The following APLF variants were observed in gnomAD, a reference collection of about 807,000 sequenced individuals.
The protein encoded by APLF is aprataxin and PNK-like factor.
Under a neutral mutation model 55.6 loss-of-function variants are expected in APLF, and 61 were observed. That is an observed-to-expected ratio of 1.10 (90% CI 0.89 to 1.36). The LOEUF is 1.36. Ranked by LOEUF, APLF falls within the 40% of genes most tolerant of loss-of-function variation. APLF has a pLI of 0.00. For synonymous variants in APLF, 207 were observed against 214.8 expected (o/e 0.96, Z 0.32); for missense variants, 611 against 602.5 (o/e 1.01, Z -0.15).
chr2:68,477,240 G>A (rs1675808795), intron 1 of APLF, among the ~76,000 whole-genome samples: 1 of 152,130 alleles, frequency 6.6e-6, no homozygotes, highest in Non-Finnish European at 1.5e-5. Flanking sequence ...TTGCTGTTTT[G>A]GTGAGCTTTA....
At chr2:68,543,769 G>A (rs1180805271) in intron 7 of APLF, among the ~76,000 whole-genome samples, 1 of 151,966 alleles carries the variant, frequency 6.6e-6, no homozygotes, top group Non-Finnish European at 1.5e-5. Context: ...TATTGAAAAC[G>A]TACTTACTGC....
intron 3 of APLF, among the ~76,000 whole-genome samples, chr2:68,507,457 C>T (rs1676900375): frequency 6.6e-6 from 1 of 151,916 alleles, no homozygotes; most frequent in African/African-American, 2.4e-5. Context: ...ACATTTAAGT[C>T]TATAGATGTC....
intron 8 of APLF, among the ~76,000 whole-genome samples, chr2:68,565,437 A>G (rs1389303923): frequency 2.6e-5 from 4 of 151,892 alleles, no homozygotes; most frequent in Admixed American, 6.6e-5. Context: ...TCTAGCCTGG[A>G]TAACAGAGTG....
chr2:68,561,204 T>A (rs2104053057), intron 8 of APLF, among the ~76,000 whole-genome samples: 1 of 152,264 alleles, frequency 6.6e-6, no homozygotes, highest in South Asian at 2.1e-4. Flanking sequence ...TGCAGATTTT[T>A]ATACACACTA....
chr2:68,472,619 A>C (rs1472863254), intron 1 of APLF, among the ~76,000 whole-genome samples: 1 of 152,196 alleles, frequency 6.6e-6, no homozygotes, highest in African/African-American at 2.4e-5. Flanking sequence ...GATCAGGGAA[A>C]GAAAGCTTCA....
intron 7 of APLF, among the ~76,000 whole-genome samples, chr2:68,539,676 A>G (rs559430109): frequency 1.3e-5 from 2 of 152,326 alleles, no homozygotes; most frequent in African/African-American, 4.8e-5. Flanking sequence ...CAATAGAGAA[A>G]AGTCATATGA....
At chr2:68,512,599 T>C (rs972974532) in intron 3 of APLF, among the ~76,000 whole-genome samples, 1 of 151,828 alleles carries the variant, frequency 6.6e-6, no homozygotes, top group Non-Finnish European at 1.5e-5. Flanking sequence ...GCAGCTATAC[T>C]ACAAGTTTGG....
At chr2:68,516,837 G>A (rs1265072423) in intron 5 of APLF, among the ~76,000 whole-genome samples, 2 of 138,926 alleles carry the variant, frequency 1.4e-5, no homozygotes, top group African/African-American at 5.3e-5. Context: ...AAATCTGGAG[G>A]CATCACGTTT....
chr2:68,562,749 A>G lies in APLF; in HGVS notation c.1287-4592A>G, dbSNP rs74652371. Among the ~76,000 whole-genome samples, 828 of 152,190 alleles carry G rather than the reference A, an allele frequency of 5.4e-3. 37 individuals carry two copies. In the East Asian group the frequency reaches 0.11, roughly 20 times the overall value. On this transcript the variant is annotated intron_variant, in intron 8 of 9. Transcript: ENST00000303795. ...CAAAGTACTCCCCTAGAGTAGAAACAAAAGATTGAGCTGCTAATAATTGGC... is the reference window on the plus strand; with the variant it reads ...CAAAGTACTCCCCTAGAGTAGAAACGAAAGATTGAGCTGCTAATAATTGGC...
At chr2:68,500,042 A>G (rs1039163566) in intron 2 of APLF, among the ~76,000 whole-genome samples, 3 of 151,888 alleles carry the variant, frequency 2.0e-5, no homozygotes, top group African/African-American at 4.8e-5. Flanking sequence ...TTTCATTCCT[A>G]ATTTTTTGGT....
chr2:68,563,009 T>C, intron 8 of APLF: 1 of 952,632 alleles, frequency 1.0e-6, no homozygotes, highest in Non-Finnish European at 1.2e-6. Flanking sequence ...AACAGCAAAT[T>C]TTTGAGCCTG....
intron 5 of APLF, among the ~76,000 whole-genome samples, chr2:68,518,561 C>A (rs1229036388): frequency 2.6e-5 from 3 of 116,320 alleles, no homozygotes; most frequent in Non-Finnish European, 4.9e-5. Flanking sequence ...AATAATGTAT[C>A]ATGAATATAT....
chr2:68,474,223 C>G (rs747867447), intron 1 of APLF, among the ~76,000 whole-genome samples: 4 of 152,244 alleles, frequency 2.6e-5, no homozygotes, highest in Non-Finnish European at 4.4e-5. Flanking sequence ...GCTTTCCTAA[C>G]CCTGTCCCCT....
chr2:68,490,848 G>A (rs908903155), intron 2 of APLF, among the ~76,000 whole-genome samples: 6 of 152,104 alleles, frequency 3.9e-5, no homozygotes, highest in Middle Eastern at 3.2e-3. Context: ...CATTTGCAGA[G>A]TCTATTGTGT....
intron 2 of APLF, among the ~76,000 whole-genome samples, chr2:68,501,426 TAAAA>T (rs80226716): frequency 1.4e-5 from 2 of 143,254 alleles, no homozygotes; most frequent in African/African-American, 2.5e-5. Flanking sequence ...AGATTGTACT[TAAAA>T]AAAAAAAACA....
rs758693089 is a variant in APLF at position 68,545,196 on chromosome 2, T to A, written c.1170T>A (p.Pro390=). The A allele has an allele frequency of 8.1e-6, 13 of 1,613,440 alleles. No individual in the cohort carries two copies. The highest frequency in any genetic ancestry group is 8.5e-6 in the Non-Finnish European group (10 of 1,179,686). The change falls in exon 8 of 10, where the codon CCT becomes CCA. Residue 390 remains proline, a synonymous_variant. Transcript: ENST00000303795. ...TTTGTCGCCCTCCTAGGAAGAATCC[T>A]GTTCATTTTCAACATTTTAGCCATC... ...MYGANCYRKN[P]VHFQHFSHPG...
Position 68,580,118 on chromosome 2 carries a change from CTT to C in APLF, c.*2099_*2100del. The C allele has an allele frequency of 1.1e-6, 1 of 943,240 alleles. No homozygotes were observed. The highest frequency in any genetic ancestry group is 4.9e-5 in the South Asian group (1 of 20,388). The allele number at this position is 943,240 out of a possible 1,614,324, so 58.4% of individuals were successfully genotyped here. ...AACTTTCATAATCATCCTGAAGACA[CTT>C]TTGAGTATAACTATTGTATAAATAA... On this transcript the variant is annotated 3_prime_UTR_variant, in exon 10 of 10. Coordinates refer to ENST00000303795, the MANE Select transcript of APLF (RefSeq NM_173545.3).
At chr2:68,577,756 A>G in intron 9 of APLF, 64 bp from the exon 10 acceptor site, 1 of 1,572,356 alleles carries the variant, frequency 6.4e-7, no homozygotes, top group Non-Finnish European at 8.7e-7. Flanking sequence ...TTTTATAGGT[A>G]GATGTCTGTC....
At chr2:68,498,000 GTAT>G (rs36112993) in intron 2 of APLF, among the ~76,000 whole-genome samples, 16,111 of 152,114 alleles carry the variant, frequency 0.11, 2,516 homozygotes, top group African/African-American at 0.35. Context: ...ATAGATTGAT[GTAT>G]TTATTCAGCA....
Sources: allele counts gnomAD v4.1 joint callset (sites outside exome capture counted in the v4.1 genomes callset), GRCh38; gene constraint gnomAD v4.1.1; transcripts MANE v1.5; gene names NCBI Gene and HGNC (gene_info 2026-07-23, HGNC 2026-07-21).